Variants in HCN1 observed in about 807,000 individuals in gnomAD.
HCN1 encodes hyperpolarization activated cyclic nucleotide gated potassium channel 1.
In HCN1, 13 loss-of-function variants were observed where a neutral mutation model predicts 78.9. The ratio of observed to expected loss-of-function variants is 0.16; its 90% CI spans 0.11 to 0.26. The LOEUF is 0.26. Ranked by LOEUF, HCN1 falls within the 10% of genes least tolerant of loss-of-function variation. The pLI, the probability that HCN1 is intolerant of heterozygous loss-of-function variation, is 1.00. For synonymous variants in HCN1, 552 were observed against 455.5 expected (o/e 1.21, Z -2.70); for missense variants, 810 against 1,154.3 (o/e 0.70, Z 4.32).
At chr5:45,604,712 T>G (rs748226854) in intron 2 of HCN1, among the ~76,000 whole-genome samples, 1 of 151,958 alleles carries the variant, frequency 6.6e-6, no homozygotes, top group Non-Finnish European at 1.5e-5. Flanking sequence ...CTTTCTCAGA[T>G]AAGACATGTA....
chr5:45,584,455 C>T (rs1278705679), intron 2 of HCN1, among the ~76,000 whole-genome samples: 2 of 152,138 alleles, frequency 1.3e-5, no homozygotes, highest in Admixed American at 6.6e-5. Context: ...CTGAATACAG[C>T]ACACTGATGG....
chr5:45,433,202 C>A (rs971492029), intron 3 of HCN1, among the ~76,000 whole-genome samples: 2 of 152,010 alleles, frequency 1.3e-5, no homozygotes, highest in Non-Finnish European at 2.9e-5. Flanking sequence ...TACCTTGCAA[C>A]CCAGGAATAA....
chr5:45,296,379 G>A (rs1579787585), intron 6 of HCN1, among the ~76,000 whole-genome samples: 1 of 151,514 alleles, frequency 6.6e-6, no homozygotes, highest in African/African-American at 2.4e-5. Context: ...AAACCATATG[G>A]GACAAGGAAA....
intron 1 of HCN1, among the ~76,000 whole-genome samples, chr5:45,689,141 A>T (rs1739860148): frequency 6.6e-6 from 1 of 151,292 alleles, no homozygotes; most frequent in Non-Finnish European, 1.5e-5. Context: ...TGTATGGTAT[A>T]TGAATTTTGT....
chr5:45,647,003 T>C (rs1372479546), intron 1 of HCN1, among the ~76,000 whole-genome samples: 1 of 152,192 alleles, frequency 6.6e-6, no homozygotes, highest in Non-Finnish European at 1.5e-5. Flanking sequence ...TACATGTGTA[T>C]AAAGCTTTCA....
chr5:45,655,158 AT>A (rs1745742010), intron 1 of HCN1, among the ~76,000 whole-genome samples: 1 of 152,146 alleles, frequency 6.6e-6, no homozygotes, highest in Non-Finnish European at 1.5e-5. Context: ...TGTGTTAATG[AT>A]TCTGATTTCT....
chr5:45,275,543 T>C (rs1483188322), intron 6 of HCN1, among the ~76,000 whole-genome samples: 1 of 152,154 alleles, frequency 6.6e-6, no homozygotes, highest in Non-Finnish European at 1.5e-5. Context: ...TTTCCTCTTC[T>C]TTATCTGTGT....
chr5:45,610,765 T>C (rs1041127691), intron 2 of HCN1, among the ~76,000 whole-genome samples: 17 of 151,586 alleles, frequency 1.1e-4, no homozygotes, highest in Non-Finnish European at 2.2e-4. Flanking sequence ...ATTCTTTAAA[T>C]TGCACACTTA....
chr5:45,567,996 C>T lies in HCN1; in HGVS notation c.849+77189G>A, dbSNP rs558832923. Among the ~76,000 whole-genome samples the T allele has an allele frequency of 2.0e-5, 3 of 151,962 alleles. No homozygotes were observed. The South Asian group carries it at 6.2e-4, about 32-fold the overall frequency. ...AATTAAAGTTTTCACTAAGAACTTG[C>T]TCAAAATTATAGTGTTAGTAAAGAC... On this transcript the variant is annotated intron_variant, in intron 2 of 7. Transcript: ENST00000303230.
intron 6 of HCN1, among the ~76,000 whole-genome samples, chr5:45,277,153 C>G (rs1579773288): frequency 6.6e-6 from 1 of 152,046 alleles, no homozygotes; most frequent in South Asian, 2.1e-4. Flanking sequence ...AGAGTTCTAG[C>G]TCTCTACATA....
At chr5:45,465,052 C>A (rs1270671309) in intron 2 of HCN1, among the ~76,000 whole-genome samples, 1 of 152,058 alleles carries the variant, frequency 6.6e-6, no homozygotes, top group Admixed American at 6.6e-5. Flanking sequence ...GGTGGACATT[C>A]TTAAGTAATA....
chr5:45,656,169 G>A (rs1439131753), intron 1 of HCN1, among the ~76,000 whole-genome samples: 1 of 151,980 alleles, frequency 6.6e-6, no homozygotes, highest in Non-Finnish European at 1.5e-5. Flanking sequence ...ATAATCAATT[G>A]GTCACCTTTT....
chr5:45,330,978 C>T (rs943613592), intron 5 of HCN1, among the ~76,000 whole-genome samples: 1 of 151,052 alleles, frequency 6.6e-6, no homozygotes, highest in Admixed American at 6.6e-5. Context: ...CTTACTTTAA[C>T]CACTTTTTGT....
intron 7 of HCN1, among the ~76,000 whole-genome samples, chr5:45,266,330 T>G (rs139738364): frequency 1.2e-4 from 19 of 152,266 alleles, no homozygotes; most frequent in African/African-American, 3.9e-4. Flanking sequence ...TTACAAACAT[T>G]TTATTATGTC....
rs184894552 is a variant in HCN1 at position 45,290,026 on chromosome 5, G to T, written c.1618+13573C>A. ...CTCCCATAATTCCCATGTCCTGTGGGAGGGACCTGGTGGGAGAAATCATGG... is the reference window on the plus strand; with the variant it reads ...CTCCCATAATTCCCATGTCCTGTGGTAGGGACCTGGTGGGAGAAATCATGG... On this transcript the variant is annotated intron_variant, in intron 6 of 7. Transcript: ENST00000303230. Among the ~76,000 whole-genome samples the T allele has an allele frequency of 6.9e-4, 105 of 152,080 alleles. 1 individual carries two copies. The East Asian group carries it at 0.012, about 18-fold the overall frequency.
At chr5:45,479,197 G>A (rs1413324544) in intron 2 of HCN1, among the ~76,000 whole-genome samples, 1 of 152,010 alleles carries the variant, frequency 6.6e-6, no homozygotes, top group Non-Finnish European at 1.5e-5. Context: ...AGATGTCCTG[G>A]TGTGTGAGTG....
At chr5:45,682,753 T>A (rs1404874757) in intron 1 of HCN1, among the ~76,000 whole-genome samples, 1 of 151,998 alleles carries the variant, frequency 6.6e-6, no homozygotes, top group Non-Finnish European at 1.5e-5. Context: ...GTGTAAATTG[T>A]GACATGTTCT....
At chr5:45,555,949 C>A (rs923821557) in intron 2 of HCN1, among the ~76,000 whole-genome samples, 1 of 151,818 alleles carries the variant, frequency 6.6e-6, no homozygotes, top group Admixed American at 6.6e-5. Context: ...CAAGACGATA[C>A]ACTAAGGAAA....
intron 5 of HCN1, among the ~76,000 whole-genome samples, chr5:45,323,555 C>CT (rs980118640): frequency 4.6e-5 from 7 of 151,428 alleles, no homozygotes; most frequent in East Asian, 3.9e-4. Context: ...TAAAATTTTT[C>CT]TTTTTTTTCA....
Sources: gnomAD v4.1 joint callset for allele counts (sites outside exome capture counted in the v4.1 genomes callset) on GRCh38, gnomAD v4.1.1 for gene constraint, MANE v1.5 for transcripts, NCBI Gene and HGNC (gene_info 2026-07-23, HGNC 2026-07-21) for gene names.